Variants in DENND2A observed in about 807,000 individuals in gnomAD.
DENND2A encodes DENN domain-containing protein 2A.
Under a neutral mutation model 105.3 loss-of-function variants are expected in DENND2A, and 53 were observed. The ratio of observed to expected loss-of-function variants is 0.50; its 90% CI spans 0.40 to 0.63. The LOEUF is 0.63. Ranked by LOEUF, DENND2A falls within the 30% of genes least tolerant of loss-of-function variation. The probability of loss-of-function intolerance (pLI) is 0.00; values close to 1 mark genes in which losing one functional copy is unlikely to be tolerated. For synonymous variants in DENND2A, 522 were observed against 508.4 expected (o/e 1.03, Z -0.36); for missense variants, 1,138 against 1,279.6 (o/e 0.89, Z 1.69).
At chr7:140,585,783 G>C in intron 4 of DENND2A, 73 bp from the exon 5 acceptor site, 1 of 1,601,360 alleles carries the variant, frequency 6.2e-7, no homozygotes, top group South Asian at 1.1e-5. Flanking sequence ...ACTGAGGTCA[G>C]TATCTTGGCC....
intron 1 of DENND2A, among the ~76,000 whole-genome samples, chr7:140,612,505 A>ATTT (rs552346129): frequency 6.9e-6 from 1 of 145,482 alleles, no homozygotes. Context: ...TGTTATACTA[A>ATTT]TTTTTTTTTT....
chr7:140,557,666 T>G (rs1423549711), intron 11 of DENND2A, among the ~76,000 whole-genome samples: 1 of 143,298 alleles, frequency 7.0e-6, no homozygotes, highest in Non-Finnish European at 1.5e-5. Flanking sequence ...CAGCCTCCCG[T>G]GTAGCTGGGA....
At chr7:140,543,340 GC>G (rs1796756622) in intron 14 of DENND2A, among the ~76,000 whole-genome samples, 1 of 137,070 alleles carries the variant, frequency 7.3e-6, no homozygotes, top group African/African-American at 2.8e-5. Context: ...TTACTGTGTT[GC>G]CCAGGCTGGT....
intron 12 of DENND2A, among the ~76,000 whole-genome samples, chr7:140,547,698 G>C (rs375983567): frequency 6.6e-6 from 1 of 152,054 alleles, no homozygotes; most frequent in Non-Finnish European, 1.5e-5. Context: ...TGTCTGTAGC[G>C]GCATTATTCA....
intron 12 of DENND2A, among the ~76,000 whole-genome samples, chr7:140,550,651 C>T (rs554498198): frequency 2.2e-4 from 33 of 151,924 alleles, no homozygotes; most frequent in East Asian, 1.6e-3. Flanking sequence ...TAGTAGAGAT[C>T]GGGTTTCACC....
At chr7:140,553,511 C>A (rs1215676537) in intron 12 of DENND2A, among the ~76,000 whole-genome samples, 1 of 152,172 alleles carries the variant, frequency 6.6e-6, no homozygotes, top group Non-Finnish European at 1.5e-5. Flanking sequence ...TAATGCTCCT[C>A]AGCACAGACC....
At chr7:140,605,232 T>C (rs1451709035) in intron 2 of DENND2A, among the ~76,000 whole-genome samples, 2 of 152,180 alleles carry the variant, frequency 1.3e-5, no homozygotes, top group Non-Finnish European at 2.9e-5. Context: ...GGTTCCAGAC[T>C]GGGGTGCAGA....
rs149443635 is a variant in DENND2A at position 140,630,813 on chromosome 7, A to T, written c.-248+9691T>A. Among the ~76,000 whole-genome samples, 639 of 152,348 alleles carry T rather than the reference A, an allele frequency of 4.2e-3. 3 individuals are homozygous for T. Among genetic ancestry groups the T allele is most frequent in the African/African-American group, 0.014 (595 of 41,576 alleles). On this transcript the variant is annotated intron_variant, in intron 1 of 19. Coordinates refer to ENST00000496613, the MANE Select transcript of DENND2A (RefSeq NM_015689.5). Reference sequence around the variant, plus strand: ...GAGGCGGAGGTTGCAGTTAGCCAGGATCATGCCACTGCGCTCCAGCCTGGG... The same window carrying T: ...GAGGCGGAGGTTGCAGTTAGCCAGGTTCATGCCACTGCGCTCCAGCCTGGG...
chr7:140,591,122 C>A (rs1798999568), intron 3 of DENND2A, among the ~76,000 whole-genome samples: 1 of 151,858 alleles, frequency 6.6e-6, no homozygotes, highest in Admixed American at 6.6e-5. Context: ...CAGAGCAAGA[C>A]CCTGTCTCTA....
Position 140,640,650 on chromosome 7 carries a change from C to T in DENND2A, c.-394G>A, listed in dbSNP as rs1188943155. Reference sequence around the variant, plus strand: ...CTCCGCCCTCCGCCCCTTTGTCCGCCGAGCCTCCCCCGGCCGCCCGCAAGC... The same window carrying T: ...CTCCGCCCTCCGCCCCTTTGTCCGCTGAGCCTCCCCCGGCCGCCCGCAAGC... On this transcript the variant is annotated 5_prime_UTR_variant, in exon 1 of 20. Transcript: ENST00000496613. The surrounding 1 kb of genome is among the most constrained non-coding windows in gnomAD (Gnocchi z 4.9). The T allele has an allele frequency of 6.7e-6, 1 of 148,208 alleles. No homozygotes were observed. The highest frequency in any genetic ancestry group is 1.5e-5 in the Non-Finnish European group (1 of 66,444). 9.2% of individuals were successfully genotyped at this position (148,208 alleles called of 1,614,324 possible). A position where few individuals can be genotyped will look rare whatever the true frequency, so the allele number is the denominator to read the frequency against.
At chr7:140,581,249 G>C (rs531982503) in intron 5 of DENND2A, among the ~76,000 whole-genome samples, 1 of 152,262 alleles carries the variant, frequency 6.6e-6, no homozygotes, top group African/African-American at 2.4e-5. Flanking sequence ...GGCTGACAGA[G>C]CAAGATTCTG....
intron 12 of DENND2A, among the ~76,000 whole-genome samples, chr7:140,548,759 A>G (rs894834647): frequency 7.9e-5 from 12 of 151,000 alleles, no homozygotes; most frequent in African/African-American, 2.2e-4. Context: ...GATTACAGGC[A>G]TGCACCACCA....
At chr7:140,536,012 C>T (rs934446928) in intron 14 of DENND2A, among the ~76,000 whole-genome samples, 1 of 152,124 alleles carries the variant, frequency 6.6e-6, no homozygotes, top group African/African-American at 2.4e-5. Flanking sequence ...TTCTAGCGCT[C>T]CTTAGCCAAG....
chr7:140,545,780 C>A (rs1179591281), intron 13 of DENND2A, among the ~76,000 whole-genome samples: 1 of 152,158 alleles, frequency 6.6e-6, no homozygotes, highest in Non-Finnish European at 1.5e-5. Context: ...TCCCGGTGAG[C>A]AGAGAGTGGA....
chr7:140,623,526 G>A (rs1030582147), intron 1 of DENND2A, among the ~76,000 whole-genome samples: 16 of 151,300 alleles, frequency 1.1e-4, no homozygotes, highest in Non-Finnish European at 1.5e-4. Flanking sequence ...TCAGGAGTTC[G>A]AGACCAGCCT....
intron 1 of DENND2A, among the ~76,000 whole-genome samples, chr7:140,636,025 C>A (rs1016010553): frequency 6.6e-6 from 1 of 152,148 alleles, no homozygotes; most frequent in South Asian, 2.1e-4. Flanking sequence ...AAGGGGCCAG[C>A]GGGGCCTGGC....
intron 12 of DENND2A, among the ~76,000 whole-genome samples, chr7:140,547,897 A>G (rs968540324): frequency 6.6e-6 from 1 of 152,230 alleles, no homozygotes; most frequent in African/African-American, 2.4e-5. Flanking sequence ...CTAATGTATG[A>G]TTCCACTTAG....
intron 9 of DENND2A, among the ~76,000 whole-genome samples, chr7:140,566,178 C>A (rs1013961326): frequency 1.2e-4 from 19 of 152,186 alleles, no homozygotes; most frequent in African/African-American, 4.6e-4. Flanking sequence ...ATTATAGGCG[C>A]CTGCCACCAC....
rs148655065 is a variant in DENND2A at position 140,635,337 on chromosome 7, A to G, written c.-248+5167T>C. On this transcript the variant is annotated intron_variant, in intron 1 of 19. Coordinates refer to ENST00000496613, the MANE Select transcript of DENND2A (RefSeq NM_015689.5). ...ATATAACTTTCATAGATTACATATA[A>G]AGTTTATAAGTAAACCTACAATTTT... Among the ~76,000 whole-genome samples, 3 of 152,358 alleles carry G rather than the reference A, an allele frequency of 2.0e-5. No individual in the cohort carries two copies. In the East Asian group the frequency reaches 5.8e-4, roughly 29 times the overall value.
Sources: gnomAD v4.1 joint callset for allele counts (sites outside exome capture counted in the v4.1 genomes callset) on GRCh38, gnomAD v4.1.1 for gene constraint, Gnocchi (gnomAD v3.1) non-coding constraint, MANE v1.5 for transcripts, NCBI Gene and HGNC (gene_info 2026-07-23, HGNC 2026-07-21) for gene names.